NIPA1: variants seen among roughly 807,000 people sequenced by gnomAD.
NIPA1 encodes NIPA magnesium transporter 1.
In NIPA1, 13 loss-of-function variants were observed where a neutral mutation model predicts 23.9. The ratio of observed to expected loss-of-function variants is 0.54; its 90% CI spans 0.35 to 0.87. NIPA1 has a LOEUF of 0.87. NIPA1 is among the 40% of genes least tolerant of loss of function. NIPA1 has a pLI of 0.01. For synonymous variants in NIPA1, 234 were observed against 202.9 expected, an observed-to-expected ratio of 1.15 and a Z score of -1.30; for missense variants, 362 against 429.7, an observed-to-expected ratio of 0.84 and a Z score of 1.39.
At chr15:22,803,848 T>G (rs1895142127) in intron 1 of NIPA1, among the ~76,000 whole-genome samples, 1 of 151,200 alleles carries the variant, frequency 6.6e-6, no homozygotes, top group Non-Finnish European at 1.5e-5. Context: ...CCCGGCTAAT[T>G]TTTTGTATTT....
rs537863291 is a variant in NIPA1 at position 22,823,637 on chromosome 15, G to A, written c.479-91G>A. ...GCAGTAGAGGCCGGTGGCGGGTGGC[G>A]GGTGGGGGCCCGGGTGCTGCCCCAG... On this transcript the variant is annotated intron_variant, in intron 4 of 4. Coordinates refer to ENST00000337435, the MANE Select transcript of NIPA1 (RefSeq NM_144599.5). 3.1e-5 allele frequency: 43 copies of A among 1,380,338 alleles called. 2 individuals carry two copies. The highest frequency in any genetic ancestry group is 2.6e-4 in the South Asian group (21 of 80,798). 85.5% of individuals were successfully genotyped at this position (1,380,338 alleles called of 1,614,324 possible).
intron 3 of NIPA1, chr15:22,813,702 C>T (rs184541146): frequency 6.8e-5 from 31 of 455,380 alleles, no homozygotes; most frequent in Admixed American, 2.4e-4. Context: ...CTTAGAGTCA[C>T]GTAGGCATTA....
chr15:22,795,395 G>A (rs1402889918), intron 1 of NIPA1, among the ~76,000 whole-genome samples: 5 of 152,138 alleles, frequency 3.3e-5, no homozygotes, highest in Admixed American at 2.0e-4. Context: ...GCAGCTGCAA[G>A]CAGATGGTGG....
chr15:22,828,202 T>C lies in NIPA1; in HGVS notation c.*3963T>C, dbSNP rs1371702396. 1 of 152,608 alleles carries C rather than the reference T, an allele frequency of 6.6e-6. No individual in the cohort carries two copies. The highest frequency in any genetic ancestry group is 1.5e-5 in the Non-Finnish European group (1 of 68,026). 9.5% of individuals were successfully genotyped at this position (152,608 alleles called of 1,614,324 possible). On this transcript the variant is annotated 3_prime_UTR_variant, in exon 5 of 5. Transcript: ENST00000337435. ...CTTCTCAGGGACCAAAAATGTATCA[T>C]TGACTCCTTAACAGTGACCTTCCTC...
chr15:22,826,366 T>C lies in NIPA1; in HGVS notation c.*2127T>C, dbSNP rs775336250. 2 of 152,228 alleles carry C rather than the reference T, an allele frequency of 1.3e-5. No homozygotes were observed. Among genetic ancestry groups the C allele is most frequent in the Non-Finnish European group, 2.9e-5 (2 of 68,046 alleles). The allele number at this position is 152,228 out of a possible 1,614,324, so 9.4% of individuals were successfully genotyped here. On this transcript the variant is annotated 3_prime_UTR_variant, in exon 5 of 5. Coordinates refer to ENST00000337435, the MANE Select transcript of NIPA1 (RefSeq NM_144599.5). ...TGGCTCTTGCAGGTTTTGTGTTTTA[T>C]CATCAGTGCTTTTAGAAATGCAGGC...
In NIPA1 at chr15:22,828,837, G is replaced by C. The variant is rs552854134; in HGVS notation, c.*4598G>C. On this transcript the variant is annotated 3_prime_UTR_variant, in exon 5 of 5. Transcript: ENST00000337435. Reference sequence around the variant, plus strand: ...GTGCCTCAGTTTTTCTACCTCTAAAGGGGTGGGATGGTTCTTCAAATTGTT... The same window carrying C: ...GTGCCTCAGTTTTTCTACCTCTAAACGGGTGGGATGGTTCTTCAAATTGTT... 16 of 152,742 alleles carry C rather than the reference G, an allele frequency of 1.0e-4. No individual in the cohort carries two copies. In the South Asian group the frequency reaches 1.9e-3, roughly 18 times the overall value. The allele number at this position is 152,742 out of a possible 1,614,324, so 9.5% of individuals were successfully genotyped here. A position where few individuals can be genotyped will look rare whatever the true frequency, so the allele number is the denominator to read the frequency against.
At chr15:22,790,214 C>T (rs184131046) in intron 1 of NIPA1, among the ~76,000 whole-genome samples, 1 of 152,178 alleles carries the variant, frequency 6.6e-6, no homozygotes, top group Non-Finnish European at 1.5e-5. Flanking sequence ...CCCCAGTGAC[C>T]ACCCAGTGCC....
chr15:22,811,258 A>G (rs1895309391), intron 2 of NIPA1, among the ~76,000 whole-genome samples: 1 of 152,174 alleles, frequency 6.6e-6, no homozygotes, highest in South Asian at 2.1e-4. Flanking sequence ...AAATAATAAT[A>G]TTAGAGTTCA....
At position 22,824,266 on chromosome 15, in the gene NIPA1, A is replaced by T. The variant is rs757139335; in HGVS notation, c.*27A>T. ...TTGCAATAGGAGCTTGGATGGTTCG[A>T]GGAATAGGCATTGGAGGTGGTTTCT... On this transcript the variant is annotated 3_prime_UTR_variant, in exon 5 of 5. Transcript: ENST00000337435. This position sits in a 1 kb window ranked among gnomAD's most constrained non-coding sequence, Gnocchi z 4.1. 3 of 1,595,584 alleles carry T rather than the reference A, an allele frequency of 1.9e-6. No individual in the cohort carries two copies. The highest frequency in any genetic ancestry group is 2.6e-6 in the Non-Finnish European group (3 of 1,163,312).
In NIPA1 at chr15:22,829,296, C is replaced by T. The variant is rs1895708893; in HGVS notation, c.*5057C>T. 1 of 152,152 alleles carries T rather than the reference C, an allele frequency of 6.6e-6. No homozygotes were observed. The highest frequency in any genetic ancestry group is 2.4e-5 in the African/African-American group (1 of 41,418). The allele number at this position is 152,152 out of a possible 1,614,324, so 9.4% of individuals were successfully genotyped here. Reference sequence around the variant, plus strand: ...ATAAATGACGCTGAACTTCCTGCTTCCAAGCAGCTCAACCCTGATGCTGAA... The same window carrying T: ...ATAAATGACGCTGAACTTCCTGCTTTCAAGCAGCTCAACCCTGATGCTGAA... On this transcript the variant is annotated 3_prime_UTR_variant, in exon 5 of 5. Transcript: ENST00000337435.
chr15:22,800,953 A>T, intron 1 of NIPA1, among the ~76,000 whole-genome samples: 1 of 151,904 alleles, frequency 6.6e-6, no homozygotes, highest in East Asian at 1.9e-4. Context: ...AGAAAAAAAA[A>T]AAATTAGCCT....
chr15:22,809,915 T>C (rs896300479), intron 1 of NIPA1, among the ~76,000 whole-genome samples: 7 of 151,904 alleles, frequency 4.6e-5, no homozygotes, highest in African/African-American at 1.7e-4. Flanking sequence ...TGGTGGCACA[T>C]GCCTGTAATC....
At chr15:22,794,651 C>G (rs902146025) in intron 1 of NIPA1, among the ~76,000 whole-genome samples, 1 of 152,040 alleles carries the variant, frequency 6.6e-6, no homozygotes, top group African/African-American at 2.4e-5. Flanking sequence ...GAGATCCAGG[C>G]GTCCCATTTC....
At chr15:22,806,959 A>G (rs1021352622) in intron 1 of NIPA1, among the ~76,000 whole-genome samples, 3 of 152,146 alleles carry the variant, frequency 2.0e-5, no homozygotes, top group Admixed American at 2.0e-4. Context: ...TGGGACAGGT[A>G]CCTGGATGGA....
chr15:22,822,168 C>G (rs1482121045), intron 4 of NIPA1, among the ~76,000 whole-genome samples: 1 of 152,166 alleles, frequency 6.6e-6, no homozygotes, highest in Non-Finnish European at 1.5e-5. Flanking sequence ...AAAGAACAAT[C>G]CTCCCTCAAT....
At chr15:22,797,503 C>T (rs544329664) in intron 1 of NIPA1, among the ~76,000 whole-genome samples, 12 of 131,582 alleles carry the variant, frequency 9.1e-5, no homozygotes, top group Admixed American at 3.4e-4. Context: ...TGAGTCACCG[C>T]GCCTGGCTTT....
Position 22,794,239 on chromosome 15 carries a change from C to T in NIPA1, c.178+7405C>T, listed in dbSNP as rs191972497. 1.4e-3 allele frequency among the ~76,000 whole-genome samples: 214 copies of T among 150,856 alleles called. 1 individual carries two copies. Among genetic ancestry groups the T allele is most frequent in the Non-Finnish European group, 2.7e-3 (182 of 67,896 alleles). On this transcript the variant is annotated intron_variant, in intron 1 of 4. Coordinates refer to ENST00000337435, the MANE Select transcript of NIPA1 (RefSeq NM_144599.5). ...GCAACATGGAGGACATTGTGCTGAG[C>T]GAAACAAGCCAATCACAAATGACAA... is the stretch of plus-strand genomic sequence containing the variant.
rs1190203270 is a variant in NIPA1, at chr15:22,818,449, C to T, written c.318-1864C>T. Among the ~76,000 whole-genome samples the T allele has an allele frequency of 3.3e-5, 5 of 150,436 alleles. No individual in the cohort carries two copies. The East Asian group carries it at 6.0e-4, about 18-fold the overall frequency. On this transcript the variant is annotated intron_variant, in intron 3 of 4. Coordinates refer to ENST00000337435, the MANE Select transcript of NIPA1 (RefSeq NM_144599.5). The stretch of plus-strand genomic sequence containing the variant: ...GAAACTCTGTCTCAACAAAAGAAAA[C>T]GAAACAGAAACTCTTACAGTGCATC...
rs1415961900 is a variant in NIPA1, at chr15:22,824,013, T to G, written c.764T>G (p.Phe255Cys). The G allele has an allele frequency of 6.2e-7, 1 of 1,614,124 alleles. No homozygotes were observed. The highest frequency in any genetic ancestry group is 2.2e-5 in the East Asian group (1 of 44,882). ...FRYINKALEC[F>C]DSSVFGAIYY... The stretch of plus-strand genomic sequence containing the variant: ...TACATCAACAAGGCGCTGGAGTGCT[T>G]CGACTCCTCGGTGTTCGGGGCCATC... The change falls in exon 5 of 5, where the codon TTC becomes TGC. Residue 255 changes from phenylalanine (F) to cysteine (C), a missense_variant. By Grantham distance (205) the Phe-to-Cys change is radical. Coordinates refer to ENST00000337435, the MANE Select transcript of NIPA1 (RefSeq NM_144599.5). This position sits in a 1 kb window ranked among gnomAD's most constrained non-coding sequence, Gnocchi z 4.1.
Sources: gnomAD v4.1 joint callset for allele counts (sites outside exome capture counted in the v4.1 genomes callset) on GRCh38, gnomAD v4.1.1 for gene constraint, Gnocchi (gnomAD v3.1) non-coding constraint, MANE v1.5 for transcripts, NCBI Gene and HGNC (gene_info 2026-07-23, HGNC 2026-07-21) for gene names.